GPC5: variants seen among roughly 807,000 people sequenced by gnomAD.
GPC5 encodes the protein glypican 5.
A neutral mutation model predicts 53.9 loss-of-function variants in GPC5; 47 were observed. The observed-to-expected ratio is 0.87, with a 90% CI of 0.69 to 1.11. The LOEUF (loss-of-function observed/expected upper bound fraction) is 1.11, where lower values mean the gene tolerates loss of function less well. GPC5 is among the 50% of genes most tolerant of loss of function. The pLI, the probability that GPC5 is intolerant of heterozygous loss-of-function variation, is 0.00. For missense variants in GPC5, 748 were observed against 713.1 expected (o/e 1.05, Z -0.56); for synonymous variants, 286 against 263.3 (o/e 1.09, Z -0.84).
At chr13:92,244,011 T>A (rs1181534184) in intron 7 of GPC5, among the ~76,000 whole-genome samples, 1 of 152,122 alleles carries the variant, frequency 6.6e-6, no homozygotes, top group African/African-American at 2.4e-5. Context: ...CAAAGTTAAC[T>A]GTGTAGAATG....
intron 7 of GPC5, among the ~76,000 whole-genome samples, chr13:92,426,425 G>A (rs900441198): frequency 5.9e-5 from 9 of 152,018 alleles, no homozygotes; most frequent in African/African-American, 1.9e-4. Flanking sequence ...ATTTCAATCA[G>A]CTTTCCATAT....
At chr13:92,317,547 G>A (rs960465665) in intron 7 of GPC5, among the ~76,000 whole-genome samples, 2 of 152,140 alleles carry the variant, frequency 1.3e-5, no homozygotes, top group African/African-American at 4.8e-5. Flanking sequence ...AGGCTGAAGT[G>A]CAGTGGTGTG....
At chr13:91,578,294 C>T (rs150329116) in intron 2 of GPC5, among the ~76,000 whole-genome samples, 2 of 152,318 alleles carry the variant, frequency 1.3e-5, no homozygotes, top group Non-Finnish European at 1.5e-5. Context: ...AGCAAAACTG[C>T]TCCCAAATTC....
chr13:92,256,396 T>C (rs1272827285), intron 7 of GPC5, among the ~76,000 whole-genome samples: 1 of 152,000 alleles, frequency 6.6e-6, no homozygotes, highest in Non-Finnish European at 1.5e-5. Context: ...TTAAATTACA[T>C]AGCCAAATTC....
rs201054919 is a variant in GPC5 at position 91,647,491 on chromosome 13, GC to G, written c.326-45693del. ...CAAGCTGACCTGACTGAGGGCCCAG[GC>G]CCAGAGCTCTGACATCATTTCTGCA... is the stretch of plus-strand genomic sequence containing the variant. On this transcript the variant is annotated intron_variant, in intron 2 of 7. Transcript: ENST00000377067. Among the ~76,000 whole-genome samples, 8 of 152,342 alleles carry G rather than the reference GC, an allele frequency of 5.3e-5. No individual in the cohort carries two copies. In the East Asian group the frequency reaches 1.5e-3, roughly 29 times the overall value.
At chr13:92,399,695 A>G (rs1875468366) in intron 7 of GPC5, among the ~76,000 whole-genome samples, 1 of 152,172 alleles carries the variant, frequency 6.6e-6, no homozygotes. Context: ...GAAGCAAGTT[A>G]TTACCCATAG....
intron 7 of GPC5, among the ~76,000 whole-genome samples, chr13:92,194,847 AG>A (rs1233522953): frequency 4.6e-5 from 7 of 152,226 alleles, no homozygotes; most frequent in Non-Finnish European, 1.0e-4. Context: ...TCTAAGGTAG[AG>A]TGAGAAGGAA....
At chr13:92,314,155 A>G (rs1265559375) in intron 7 of GPC5, among the ~76,000 whole-genome samples, 1 of 152,020 alleles carries the variant, frequency 6.6e-6, no homozygotes, top group Non-Finnish European at 1.5e-5. Flanking sequence ...TCGCCCAAAC[A>G]TGTCTTTTTC....
intron 6 of GPC5, among the ~76,000 whole-genome samples, chr13:92,015,156 G>C (rs2040695845): frequency 6.6e-6 from 1 of 152,114 alleles, no homozygotes; most frequent in Admixed American, 6.5e-5. Context: ...GAAAGGGTTG[G>C]TATTGATATC....
At chr13:91,846,031 C>CT (rs1385677446) in intron 5 of GPC5, among the ~76,000 whole-genome samples, 1 of 152,000 alleles carries the variant, frequency 6.6e-6, no homozygotes, top group Non-Finnish European at 1.5e-5. Flanking sequence ...ATTTTCTTTC[C>CT]TTTTGGCAGA....
At chr13:91,608,183 G>A (rs761877305) in intron 2 of GPC5, among the ~76,000 whole-genome samples, 6 of 152,054 alleles carry the variant, frequency 3.9e-5, no homozygotes, top group Non-Finnish European at 8.8e-5. Context: ...AATTTCCAGG[G>A]AACGCATTGA....
At chr13:91,809,471 T>G (rs748690576) in intron 5 of GPC5, among the ~76,000 whole-genome samples, 1 of 152,164 alleles carries the variant, frequency 6.6e-6, no homozygotes, top group African/African-American at 2.4e-5. Context: ...CTGTAAATCC[T>G]CTGGCTGACG....
intron 7 of GPC5, among the ~76,000 whole-genome samples, chr13:92,564,981 C>A (rs1244486281): frequency 6.6e-6 from 1 of 151,988 alleles, no homozygotes; most frequent in African/African-American, 2.4e-5. Context: ...ATTAAACACC[C>A]AGATGTAAAA....
chr13:92,222,183 C>A (rs1331983424), intron 7 of GPC5, among the ~76,000 whole-genome samples: 1 of 152,148 alleles, frequency 6.6e-6, no homozygotes, highest in Non-Finnish European at 1.5e-5. Flanking sequence ...CACTGTGTCA[C>A]AGGGTGACAA....
At chr13:91,526,246 G>A (rs558963636) in intron 2 of GPC5, among the ~76,000 whole-genome samples, 72 of 152,232 alleles carry the variant, frequency 4.7e-4, no homozygotes, top group African/African-American at 1.5e-3. Flanking sequence ...ACAAGTTGTC[G>A]TTAGTTTTTC....
chr13:91,755,934 T>C (rs1235786306), intron 4 of GPC5, among the ~76,000 whole-genome samples: 2 of 152,050 alleles, frequency 1.3e-5, no homozygotes, highest in African/African-American at 2.4e-5. Flanking sequence ...TGAGGACTTT[T>C]AGGGAGGCTA....
intron 6 of GPC5, among the ~76,000 whole-genome samples, chr13:92,108,561 GT>G (rs2041528052): frequency 6.6e-6 from 1 of 152,030 alleles, no homozygotes; most frequent in Non-Finnish European, 1.5e-5. Context: ...TCTTTGCTTT[GT>G]CACCACATAA....
intron 6 of GPC5, among the ~76,000 whole-genome samples, chr13:91,991,373 C>T (rs1004757569): frequency 2.0e-5 from 3 of 152,162 alleles, no homozygotes; most frequent in African/African-American, 7.2e-5. Flanking sequence ...TTGTATATTT[C>T]ATAATGCTCA....
intron 7 of GPC5, among the ~76,000 whole-genome samples, chr13:92,583,453 G>C (rs1006432029): frequency 6.4e-4 from 98 of 152,174 alleles, no homozygotes; most frequent in African/African-American, 2.1e-3. Flanking sequence ...AATTGGAGAA[G>C]ATTGAATATA....
Sources: gnomAD v4.1 joint callset for allele counts (sites outside exome capture counted in the v4.1 genomes callset) on GRCh38, gnomAD v4.1.1 for gene constraint, MANE v1.5 for transcripts, NCBI Gene and HGNC (gene_info 2026-07-23, HGNC 2026-07-21) for gene names.